The following DEFB134 variants were observed in gnomAD, a reference collection of about 807,000 sequenced individuals.
DEFB134 encodes the protein defensin beta 134, also known as beta-defensin 134.
Under a neutral mutation model 7.4 loss-of-function variants are expected in DEFB134, and 7 were observed. That is an observed-to-expected ratio of 0.95 (90% CI 0.54 to 1.79). The LOEUF is 1.79. Among genes scored for constraint, DEFB134 ranks in the 40% most tolerant of loss-of-function variants. DEFB134 has a pLI of 0.00. For synonymous variants in DEFB134, 33 were observed against 25.0 expected, an observed-to-expected ratio of 1.32 and a Z score of -0.96; for missense variants, 105 against 74.8, an observed-to-expected ratio of 1.40 and a Z score of -1.49.
upstream of DEFB134, among the ~76,000 whole-genome samples, chr8:11,998,030 T>C (rs1349652680): frequency 6.6e-6 from 1 of 152,086 alleles, no homozygotes; most frequent in Non-Finnish European, 1.5e-5. Context: ...CAGACCGCAA[T>C]GCAATAAAAA....
upstream of DEFB134, among the ~76,000 whole-genome samples, chr8:11,997,810 C>G (rs1800165930): frequency 6.6e-6 from 1 of 152,136 alleles, no homozygotes; most frequent in East Asian, 1.9e-4. Flanking sequence ...TAAGCAGATA[C>G]TTGAGGCAGA....
At chr8:11,996,723 T>C (rs1223075935), upstream of DEFB134, among the ~76,000 whole-genome samples, 1 of 152,216 alleles carries the variant, frequency 6.6e-6, no homozygotes, top group African/African-American at 2.4e-5. Flanking sequence ...TATGCCTAGT[T>C]TGTTGTTTAA....
At chr8:11,998,357 G>A (rs1167042864), upstream of DEFB134, among the ~76,000 whole-genome samples, 3 of 151,920 alleles carry the variant, frequency 2.0e-5, no homozygotes, top group Admixed American at 1.3e-4. Context: ...AGGTCGAGGT[G>A]GGAGAATTGC....
chr8:11,994,230 G>C, intron 1 of DEFB134, 108 bp from the exon 3 acceptor site: 1 of 1,331,024 alleles, frequency 7.5e-7, no homozygotes, highest in Non-Finnish European at 1.0e-6. Context: ...ATTTGGTTAT[G>C]ATAATTGATC....
upstream of DEFB134, among the ~76,000 whole-genome samples, chr8:11,997,168 A>G (rs1477846729): frequency 3.3e-5 from 5 of 152,214 alleles, no homozygotes; most frequent in Non-Finnish European, 7.3e-5. Flanking sequence ...GAATAGAATA[A>G]TATATTCTAT....
chr8:11,999,328 C>T (rs1760681969), upstream of DEFB134: 1 of 223,178 alleles, frequency 4.5e-6, no homozygotes, highest in South Asian at 8.3e-5. Flanking sequence ...AAACCTCAAC[C>T]TCAGAGAGGA....
At chr8:11,995,695 A>G (rs2150559392) in intron 1 of DEFB134, among the ~76,000 whole-genome samples, 2 of 152,324 alleles carry the variant, frequency 1.3e-5, no homozygotes, top group South Asian at 4.1e-4. Flanking sequence ...TTAGAAAATT[A>G]ACAAATTGTG....
At chr8:11,994,757 TC>T (rs1221631616) in intron 1 of DEFB134, among the ~76,000 whole-genome samples, 1 of 152,216 alleles carries the variant, frequency 6.6e-6, no homozygotes, top group African/African-American at 2.4e-5. Flanking sequence ...TTTTTATAAA[TC>T]CTGTGAATCA....
chr8:11,995,051 A>G (rs997322663), intron 1 of DEFB134, among the ~76,000 whole-genome samples: 3 of 152,244 alleles, frequency 2.0e-5, no homozygotes, highest in Middle Eastern at 3.2e-3. Context: ...ATTGTCCTAC[A>G]TGAACAAGAA....
chr8:11,994,905 T>C (rs566020612), intron 1 of DEFB134, among the ~76,000 whole-genome samples: 55 of 152,298 alleles, frequency 3.6e-4, no homozygotes, highest in African/African-American at 1.2e-3. Context: ...GTATTTGCAA[T>C]GTGGAACGGT....
chr8:11,998,736 A>G (rs75183320), upstream of DEFB134, among the ~76,000 whole-genome samples: 7 of 152,258 alleles, frequency 4.6e-5, no homozygotes, highest in East Asian at 1.4e-3. Context: ...CATACAAAAG[A>G]TTAATGAAAC....
upstream of DEFB134, among the ~76,000 whole-genome samples, chr8:11,997,318 A>G (rs1312306963): frequency 1.3e-5 from 2 of 152,216 alleles, no homozygotes; most frequent in Non-Finnish European, 2.9e-5. Flanking sequence ...CCAGTCACGT[A>G]TTGATTGATG....
At chr8:11,998,089 A>C (rs1468176305), upstream of DEFB134, among the ~76,000 whole-genome samples, 1 of 152,214 alleles carries the variant, frequency 6.6e-6, no homozygotes. Context: ...AGTACATGGA[A>C]ATTAAACAAT....
upstream of DEFB134, among the ~76,000 whole-genome samples, chr8:11,997,995 A>G (rs1800171175): frequency 6.6e-6 from 1 of 152,228 alleles, no homozygotes; most frequent in Non-Finnish European, 1.5e-5. Context: ...AACAAATTAA[A>G]AAGAACGCAT....
At chr8:11,993,344 G>A (rs1240108470) in exon 2 of DEFB134, 1 of 152,236 alleles carries the variant, frequency 6.6e-6, no homozygotes, top group African/African-American at 2.4e-5. Flanking sequence ...CAGTCTTATA[G>A]CCTGTAGCTG....
At chr8:11,997,685 T>C (rs1355934090), upstream of DEFB134, among the ~76,000 whole-genome samples, 1 of 152,186 alleles carries the variant, frequency 6.6e-6, no homozygotes, top group African/African-American at 2.4e-5. Context: ...CCTAAATATA[T>C]ATGCACCCAA....
upstream of DEFB134, among the ~76,000 whole-genome samples, chr8:11,998,841 G>A (rs1232222887): frequency 6.6e-6 from 1 of 152,048 alleles, no homozygotes; most frequent in Non-Finnish European, 1.5e-5. Flanking sequence ...AATCAGAAAC[G>A]AGAAAGAGGA....
At chr8:11,993,883 C>T (rs1585090962) in exon 2 of DEFB134, 2 of 1,504,686 alleles carry the variant, frequency 1.3e-6, no homozygotes, top group African/African-American at 1.4e-5. Context: ...GTCATGGACA[C>T]ATCATGGTGT....
At chr8:11,995,394 C>G (rs1800091660) in intron 1 of DEFB134, among the ~76,000 whole-genome samples, 1 of 152,186 alleles carries the variant, frequency 6.6e-6, no homozygotes. Context: ...CAGGCAAACA[C>G]TTCAGTCCAT....
Sources: gnomAD v4.1 joint callset for allele counts (sites outside exome capture counted in the v4.1 genomes callset) on GRCh38, gnomAD v4.1.1 for gene constraint, MANE v1.5 for transcripts, NCBI Gene and HGNC (gene_info 2026-07-23, HGNC 2026-07-21) for gene names.